Variants in MGA observed in about 807,000 individuals in gnomAD.
MGA encodes MAX gene-associated protein.
MGA carries 40 observed loss-of-function variants against 261.1 expected under a neutral mutation model. That is an observed-to-expected ratio of 0.15 (90% CI 0.12 to 0.20). The LOEUF is 0.20. Ranked by LOEUF, MGA falls within the 10% of genes least tolerant of loss-of-function variation. The probability of loss-of-function intolerance (pLI) is 1.00; values close to 1 mark genes in which losing one functional copy is unlikely to be tolerated. For missense variants in MGA, 3,397 were observed against 3,630.5 expected, an observed-to-expected ratio of 0.94 and a Z score of 1.65; for synonymous variants, 1,302 against 1,290.6, an observed-to-expected ratio of 1.01 and a Z score of -0.19.
chr15:41,739,957 G>A (rs1567059719), intron 13 of MGA: 8 of 1,612,754 alleles, frequency 5.0e-6, no homozygotes, highest in Middle Eastern at 1.6e-4. Context: ...ACAGATGGGG[G>A]CATTGCATCC....
chr15:41,701,328 T>A (rs774442703), intron 5 of MGA, among the ~76,000 whole-genome samples: 52 of 152,234 alleles, frequency 3.4e-4, no homozygotes, highest in Non-Finnish European at 5.6e-4. Context: ...TCCCACATTT[T>A]AAAAATCTTA....
chr15:41,728,923 A>G (rs955038545), intron 10 of MGA, among the ~76,000 whole-genome samples: 1 of 152,196 alleles, frequency 6.6e-6, no homozygotes, highest in African/African-American at 2.4e-5. Flanking sequence ...ATCCTTCACC[A>G]TAGATAATTT....
At chr15:41,735,828 C>T (rs2061749993) in intron 12 of MGA, among the ~76,000 whole-genome samples, 2 of 152,192 alleles carry the variant, frequency 1.3e-5, no homozygotes, top group South Asian at 4.1e-4. Flanking sequence ...AGTAGTTTCA[C>T]TTTGCCTGTA....
Position 41,767,866 on chromosome 15 carries a change from C to G in MGA, c.*586C>G, listed in dbSNP as rs2063875352. On this transcript the variant is annotated 3_prime_UTR_variant, in exon 24 of 24. Coordinates refer to ENST00000219905, the MANE Select transcript of MGA (RefSeq NM_001164273.2). ...TCCTAAGTAGCTCCCATTCCCTCAC[C>G]TTTTCAATCAGAATTAACAAATTCA... The G allele has an allele frequency of 6.6e-6, 1 of 152,606 alleles. No homozygotes were observed. The highest frequency in any genetic ancestry group is 2.1e-4 in the South Asian group (1 of 4,830). The allele number at this position is 152,606 out of a possible 1,614,324, so 9.5% of individuals were successfully genotyped here.
intron 1 of MGA, among the ~76,000 whole-genome samples, chr15:41,664,070 T>C (rs1380603482): frequency 6.6e-6 from 1 of 152,246 alleles, no homozygotes; most frequent in Non-Finnish European, 1.5e-5. Flanking sequence ...GTTTTAGTCA[T>C]AAATTAAGTC....
At position 41,768,867 on chromosome 15, in the gene MGA, A is replaced by G. The variant is rs982941905; in HGVS notation, c.*1587A>G. 1 of 123,878 alleles carries G rather than the reference A, an allele frequency of 8.1e-6. No individual in the cohort carries two copies. Among genetic ancestry groups the G allele is most frequent in the African/African-American group, 3.0e-5 (1 of 33,254 alleles). 7.7% of individuals were successfully genotyped at this position (123,878 alleles called of 1,614,324 possible). ...CCCTTTCTGTTAACTCTGGTAATCAACAGATTGAAAACGGTGGAAGAACTT... is the reference window on the plus strand; with the variant it reads ...CCCTTTCTGTTAACTCTGGTAATCAGCAGATTGAAAACGGTGGAAGAACTT... On this transcript the variant is annotated 3_prime_UTR_variant, in exon 24 of 24. Coordinates refer to ENST00000219905, the MANE Select transcript of MGA (RefSeq NM_001164273.2).
At chr15:41,727,484 G>A in intron 10 of MGA, 78 bp downstream of exon 10, 1 of 1,371,240 alleles carries the variant, frequency 7.3e-7, no homozygotes, top group Non-Finnish European at 1.0e-6. Context: ...CAGATTTTTG[G>A]TTGATATTTT....
At position 41,762,461 on chromosome 15, in the gene MGA, G is replaced by GTTTTTTTTTT. The variant is rs34069193; in HGVS notation, c.7744+120_7744+129dup. The GTTTTTTTTTT allele has an allele frequency of 3.6e-3, 503 of 138,374 alleles. 71 individuals are homozygous for GTTTTTTTTTT. The highest frequency in any genetic ancestry group is 5.8e-3 in the East Asian group (16 of 2,744). 8.6% of individuals were successfully genotyped at this position (138,374 alleles called of 1,614,324 possible). On this transcript the variant is annotated intron_variant, in intron 22 of 23. Coordinates refer to ENST00000219905, the MANE Select transcript of MGA (RefSeq NM_001164273.2). ...TTGTCCACATTTTTAGTTTTGTGTG[G>GTTTTTTTTTT]TTTTTTTTTTTTTTTTTTTTTTTTT...
chr15:41,622,286 G>A (rs1415555791), intron 1 of MGA, among the ~76,000 whole-genome samples: 1 of 152,078 alleles, frequency 6.6e-6, no homozygotes. Flanking sequence ...GCTCGGTAGA[G>A]GAGATCACCT....
intron 1 of MGA, among the ~76,000 whole-genome samples, chr15:41,661,768 G>A (rs111821039): frequency 2.0e-5 from 3 of 152,100 alleles, no homozygotes; most frequent in Admixed American, 6.5e-5. Flanking sequence ...ACGATGCCGC[G>A]GCTAGGCTGC....
chr15:41,769,030 C>G lies in MGA; in HGVS notation c.*1750C>G, dbSNP rs1052646813. ...GTAGGTAAAGAGTGCTCCTCAGCTT[C>G]TTATCCTTCCACTCTTTACCCAGCA... On this transcript the variant is annotated 3_prime_UTR_variant, in exon 24 of 24. Coordinates refer to ENST00000219905, the MANE Select transcript of MGA (RefSeq NM_001164273.2). 1 of 152,630 alleles carries G rather than the reference C, an allele frequency of 6.6e-6. No individual in the cohort carries two copies. Among genetic ancestry groups the G allele is most frequent in the Non-Finnish European group, 1.5e-5 (1 of 68,044 alleles). The allele number at this position is 152,630 out of a possible 1,614,324, so 9.5% of individuals were successfully genotyped here.
chr15:41,725,834 C>CA (rs1204528358), intron 9 of MGA, among the ~76,000 whole-genome samples: 107 of 9,036 alleles, frequency 0.012, 25 homozygotes, highest in South Asian at 0.02. Context: ...GACTCCGTCT[C>CA]AAAAAAAAAA....
chr15:41,677,782 G>T (rs1050802736), intron 2 of MGA, among the ~76,000 whole-genome samples: 2 of 151,952 alleles, frequency 1.3e-5, no homozygotes, highest in Non-Finnish European at 2.9e-5. Flanking sequence ...AAATTGAGTC[G>T]TTATTTTGTT....
chr15:41,679,014 A>G (rs890528269), intron 2 of MGA, among the ~76,000 whole-genome samples: 6 of 152,082 alleles, frequency 3.9e-5, no homozygotes, highest in African/African-American at 1.4e-4. Flanking sequence ...TTGCTATTTA[A>G]AGCCCCTTGA....
chr15:41,646,988 A>T (rs532693799), intron 1 of MGA, among the ~76,000 whole-genome samples: 1 of 152,282 alleles, frequency 6.6e-6, no homozygotes, highest in Non-Finnish European at 1.5e-5. Flanking sequence ...TTCCATGTAC[A>T]ACTTACTTCT....
At position 41,732,625 on chromosome 15, in the gene MGA, T is replaced by G. The variant is rs146373899; in HGVS notation, c.3844-1897T>G. On this transcript the variant is annotated intron_variant, in intron 11 of 23. Transcript: ENST00000219905. ...GGAGGTATTTTAGTCCATTTAAATGTGCTGTTTATCCTCTGTGGCCTGTCT... is the reference window on the plus strand; with the variant it reads ...GGAGGTATTTTAGTCCATTTAAATGGGCTGTTTATCCTCTGTGGCCTGTCT... Among the ~76,000 whole-genome samples, 183 of 152,346 alleles carry G rather than the reference T, an allele frequency of 1.2e-3. 1 individual carries two copies. Among genetic ancestry groups the G allele is most frequent in the African/African-American group, 4.4e-3 (181 of 41,578 alleles).
chr15:41,667,125 C>T (rs1451621496), intron 1 of MGA, among the ~76,000 whole-genome samples: 1 of 152,148 alleles, frequency 6.6e-6, no homozygotes, highest in Non-Finnish European at 1.5e-5. Context: ...AATTTGCTTT[C>T]CTCTTAACTA....
rs955161695 is a variant in MGA at position 41,716,626 on chromosome 15, AG to A, written c.3430+3131del. 1.6e-4 allele frequency among the ~76,000 whole-genome samples: 24 copies of A among 152,176 alleles called. 1 individual carries two copies. Among genetic ancestry groups the A allele is most frequent in the African/African-American group, 5.5e-4 (23 of 41,454 alleles). ...AAATCCTTTAGTATGTTTTGCAAAA[AG>A]ATAGGTGGAAACTGAGGGTAAAAAA... On this transcript the variant is annotated intron_variant, in intron 9 of 23. Coordinates refer to ENST00000219905, the MANE Select transcript of MGA (RefSeq NM_001164273.2).
rs1428133007 is a variant in MGA, at chr15:41,764,781, T to A, written c.7745-105T>A. On this transcript the variant is annotated intron_variant, in intron 22 of 23. Transcript: ENST00000219905. Reference sequence around the variant, plus strand: ...CTGGTCTTGAACTCCTGGGCTCAAGTGATCTGCCTGCCTCAGCCTCCCAAA... The same window carrying A: ...CTGGTCTTGAACTCCTGGGCTCAAGAGATCTGCCTGCCTCAGCCTCCCAAA... The A allele has an allele frequency of 2.7e-5, 31 of 1,134,754 alleles. No individual in the cohort carries two copies. In the Admixed American group the frequency reaches 6.8e-4, roughly 25 times the overall value. 70.3% of individuals were successfully genotyped at this position (1,134,754 alleles called of 1,614,324 possible). A position where few individuals can be genotyped will look rare whatever the true frequency, so the allele number is the denominator to read the frequency against.
Sources: gnomAD v4.1 joint callset for allele counts (sites outside exome capture counted in the v4.1 genomes callset) on GRCh38, gnomAD v4.1.1 for gene constraint, MANE v1.5 for transcripts, NCBI Gene and HGNC (gene_info 2026-07-23, HGNC 2026-07-21) for gene names.